MTUS2: variants seen among roughly 807,000 people sequenced by gnomAD.
MTUS2 encodes microtubule-associated tumor suppressor candidate 2.
In MTUS2, 40 loss-of-function variants were observed where a neutral mutation model predicts 114.1. The ratio of observed to expected loss-of-function variants is 0.35; its 90% CI spans 0.27 to 0.46. The LOEUF is 0.46. MTUS2 is among the 20% of genes least tolerant of loss of function. The pLI is 1.00. For missense variants in MTUS2, 1,679 were observed against 1,705.4 expected (o/e 0.98, Z 0.27); for synonymous variants, 688 against 672.0 (o/e 1.02, Z -0.37).
chr13:29,435,777 T>TA, intron 8 of MTUS2, among the ~76,000 whole-genome samples: 2 of 152,320 alleles, frequency 1.3e-5, no homozygotes, highest in African/African-American at 4.8e-5. Flanking sequence ...TTAGAAGAGT[T>TA]GATATCATTT....
At chr13:29,470,987 C>T (rs919315474) in intron 9 of MTUS2, among the ~76,000 whole-genome samples, 1 of 152,194 alleles carries the variant, frequency 6.6e-6, no homozygotes, top group Non-Finnish European at 1.5e-5. Flanking sequence ...CCCGGTCTTT[C>T]CCTAGCCTTG....
intron 4 of MTUS2, among the ~76,000 whole-genome samples, chr13:29,069,557 C>A (rs1316130652): frequency 6.6e-6 from 1 of 152,136 alleles, no homozygotes; most frequent in African/African-American, 2.4e-5. Context: ...TAATGTTTAA[C>A]CAGATATCTG....
chr13:29,348,985 T>C (rs1868989324), intron 7 of MTUS2, among the ~76,000 whole-genome samples: 1 of 152,176 alleles, frequency 6.6e-6, no homozygotes, highest in Non-Finnish European at 1.5e-5. Context: ...TCTTACATTT[T>C]TATCCAATCT....
intron 9 of MTUS2, among the ~76,000 whole-genome samples, chr13:29,449,576 C>A (rs941820987): frequency 2.0e-4 from 30 of 152,026 alleles, no homozygotes; most frequent in African/African-American, 7.2e-4. Flanking sequence ...TTCCTAACAG[C>A]GTACAGCTGG....
At chr13:29,373,641 C>T (rs562775236) in intron 8 of MTUS2, among the ~76,000 whole-genome samples, 66 of 152,266 alleles carry the variant, frequency 4.3e-4, no homozygotes, top group African/African-American at 1.4e-3. Flanking sequence ...GGTATGGATC[C>T]TAATAGTACT....
chr13:28,830,513 A>AG (rs1773276823), intron 1 of MTUS2, among the ~76,000 whole-genome samples: 1 of 151,594 alleles, frequency 6.6e-6, no homozygotes, highest in African/African-American at 2.4e-5. Context: ...TGAAATGAAA[A>AG]AATTTACTAG....
At chr13:29,387,501 CAT>C (rs749839102) in intron 8 of MTUS2, among the ~76,000 whole-genome samples, 11 of 152,138 alleles carry the variant, frequency 7.2e-5, no homozygotes, top group South Asian at 2.1e-4. Flanking sequence ...GTGGGGCAGA[CAT>C]GTGACAATCT....
At chr13:29,329,288 C>A (rs1177890549) in intron 7 of MTUS2, among the ~76,000 whole-genome samples, 8 of 151,940 alleles carry the variant, frequency 5.3e-5, no homozygotes, top group Admixed American at 1.3e-4. Flanking sequence ...CCTAGCCCCC[C>A]ACCCCCTGAC....
Position 28,820,350 on chromosome 13 carries a change from C to A in MTUS2, c.-577C>A, listed in dbSNP as rs868478539. ...GGGCGTGGGCGGGCAGAGGTGATAG[C>A]GAGCGCCGGCGGCTCCAGGTGCGGG... is the stretch of plus-strand genomic sequence containing the variant. On this transcript the variant is annotated 5_prime_UTR_variant, in exon 1 of 16. Coordinates refer to ENST00000612955, the MANE Select transcript of MTUS2 (RefSeq NM_001033602.4). The A allele has an allele frequency of 6.6e-6, 1 of 150,746 alleles. No individual in the cohort carries two copies. The highest frequency in any genetic ancestry group is 3.2e-3 in the Middle Eastern group (1 of 314). 9.3% of individuals were successfully genotyped at this position (150,746 alleles called of 1,614,324 possible).
At chr13:29,046,024 A>G (rs1311065458) in intron 4 of MTUS2, among the ~76,000 whole-genome samples, 4 of 152,056 alleles carry the variant, frequency 2.6e-5, no homozygotes, top group Admixed American at 1.3e-4. Context: ...TCCCCATCCC[A>G]GTCCCCGTGC....
chr13:29,486,879 C>G lies in MTUS2; in HGVS notation c.3400-1021C>G, dbSNP rs545465358. The stretch of plus-strand genomic sequence containing the variant: ...TTGTAGTGCATCCAGGAGAGATTTG[C>G]AATCATAGGGAGAGGTCGTTTTAGA... On this transcript the variant is annotated intron_variant, in intron 10 of 15. Coordinates refer to ENST00000612955, the MANE Select transcript of MTUS2 (RefSeq NM_001033602.4). Among the ~76,000 whole-genome samples, 132 of 152,176 alleles carry G rather than the reference C, an allele frequency of 8.7e-4. No individual in the cohort carries two copies. The South Asian group carries it at 0.025, about 29-fold the overall frequency.
intron 11 of MTUS2, among the ~76,000 whole-genome samples, chr13:29,492,162 T>G (rs1882205329): frequency 7.7e-6 from 1 of 130,440 alleles, no homozygotes; most frequent in Non-Finnish European, 1.6e-5. Flanking sequence ...GTGTGTGTGG[T>G]GTGTATGTGA....
At chr13:29,010,963 TCAGGACCACCTGCCAGAGA>T (rs1885814157) in intron 2 of MTUS2, among the ~76,000 whole-genome samples, 1 of 152,112 alleles carries the variant, frequency 6.6e-6, no homozygotes, top group South Asian at 2.1e-4. Context: ...CTGGAAGCTG[TCAGGACCACCTGCCAGAGA>T]GGACGCGTTA....
intron 2 of MTUS2, among the ~76,000 whole-genome samples, chr13:28,914,053 A>G (rs1238143541): frequency 1.3e-5 from 2 of 151,940 alleles, no homozygotes; most frequent in Admixed American, 6.6e-5. Flanking sequence ...TCAAATAACC[A>G]GCTCCTGGAT....
intron 1 of MTUS2, among the ~76,000 whole-genome samples, chr13:28,835,414 T>C (rs1196348287): frequency 6.6e-6 from 1 of 151,824 alleles, no homozygotes; most frequent in Non-Finnish European, 1.5e-5. Context: ...AAATACCACC[T>C]GTTATATGAT....
intron 2 of MTUS2, among the ~76,000 whole-genome samples, chr13:28,904,162 C>T (rs1399453569): frequency 6.6e-6 from 1 of 151,892 alleles, no homozygotes; most frequent in Non-Finnish European, 1.5e-5. Context: ...GGATATTAGC[C>T]CTTTGTCAGA....
intron 8 of MTUS2, among the ~76,000 whole-genome samples, chr13:29,384,272 C>A (rs1372625103): frequency 1.3e-5 from 2 of 152,212 alleles, no homozygotes; most frequent in Non-Finnish European, 2.9e-5. Flanking sequence ...AGGGGAAATC[C>A]CGTGTCCATT....
intron 8 of MTUS2, among the ~76,000 whole-genome samples, chr13:29,394,712 A>AGCGGGAGGTGT (rs2138457954): frequency 6.6e-6 from 1 of 152,310 alleles, no homozygotes; most frequent in African/African-American, 2.4e-5. Flanking sequence ...CCAGGCTAAC[A>AGCGGGAGGTGT]GCGGGAGGTG....
intron 9 of MTUS2, 50 bp downstream of exon 9, chr13:29,440,099 T>C (rs1210016114): frequency 6.6e-7 from 1 of 1,525,502 alleles, no homozygotes; most frequent in Non-Finnish European, 8.9e-7. Context: ...TTTTCCTGAT[T>C]CCTGTGAATG....
Sources: gnomAD v4.1 joint callset for allele counts (sites outside exome capture counted in the v4.1 genomes callset) on GRCh38, gnomAD v4.1.1 for gene constraint, MANE v1.5 for transcripts, NCBI Gene and HGNC (gene_info 2026-07-23, HGNC 2026-07-21) for gene names.